C12orf42: variants seen among roughly 807,000 people sequenced by gnomAD.
The protein encoded by C12orf42 is uncharacterized protein C12orf42.
In C12orf42, 25 loss-of-function variants were observed where a neutral mutation model predicts 21.6. That is an observed-to-expected ratio of 1.16 (90% CI 0.84 to 1.62). The LOEUF is 1.62. C12orf42 is among the 40% of genes most tolerant of loss of function. The pLI is 0.00. For missense variants in C12orf42, 483 were observed against 459.3 expected (o/e 1.05, Z -0.47); for synonymous variants, 174 against 175.0 (o/e 0.99, Z 0.05).
rs570025254 is a variant in C12orf42, at chr12:103,412,243, G to A, written c.79-10568C>T. 1.0e-3 allele frequency among the ~76,000 whole-genome samples: 156 copies of A among 152,308 alleles called. 1 individual carries two copies. The highest frequency in any genetic ancestry group is 3.7e-3 in the African/African-American group (154 of 41,568). ...AAATGAGAAATATATTGAACACCAA[G>A]CCCATTTTTATTAAACTGCATTTCA... is the stretch of plus-strand genomic sequence containing the variant. On this transcript the variant is annotated intron_variant, in intron 2 of 5. Transcript: ENST00000548883.
chr12:103,280,327 C>A (rs1303645600), intron 4 of C12orf42, among the ~76,000 whole-genome samples: 1 of 152,024 alleles, frequency 6.6e-6, no homozygotes, highest in African/African-American at 2.4e-5. Context: ...TTTTTCAAAT[C>A]TTGAGTGGGG....
At chr12:103,318,503 A>C (rs1304918474) in intron 4 of C12orf42, among the ~76,000 whole-genome samples, 1 of 152,182 alleles carries the variant, frequency 6.6e-6, no homozygotes, top group Non-Finnish European at 1.5e-5. Context: ...CCTTGCCAAC[A>C]CTTGCTATTA....
At chr12:103,521,368 A>T in the C12orf42 span, among the ~76,000 whole-genome samples, 2 of 152,224 alleles carry the variant, frequency 1.3e-5, no homozygotes, top group Non-Finnish European at 2.9e-5. Context: ...AAGCGAGATC[A>T]TGTCCTTTGC....
intron 4 of C12orf42, among the ~76,000 whole-genome samples, chr12:103,296,036 G>A (rs553931696): frequency 3.4e-5 from 4 of 116,568 alleles, no homozygotes; most frequent in East Asian, 2.6e-4. Context: ...ACAACAGGCC[G>A]CAGTGTGTGA....
the C12orf42 span, chr12:103,156,356 G>A: frequency 6.6e-6 from 1 of 152,176 alleles, no homozygotes; most frequent in African/African-American, 2.4e-5. Flanking sequence ...GGGGCATAAA[G>A]GTGGGGGCAG....
At chr12:103,526,576 T>C in the C12orf42 span, among the ~76,000 whole-genome samples, 1 of 152,172 alleles carries the variant, frequency 6.6e-6, no homozygotes, top group Admixed American at 6.5e-5. Context: ...ATTTTCCCAA[T>C]ACTATGGACT....
the C12orf42 span, among the ~76,000 whole-genome samples, chr12:103,531,357 A>G: frequency 1.3e-5 from 2 of 152,196 alleles, no homozygotes; most frequent in Non-Finnish European, 2.9e-5. Context: ...AAAATTGTGC[A>G]TGTGGTAAGA....
At chr12:103,063,994 T>C in the C12orf42 span, among the ~76,000 whole-genome samples, 1 of 152,114 alleles carries the variant, frequency 6.6e-6, no homozygotes, top group African/African-American at 2.4e-5. Flanking sequence ...AGCTGAAATA[T>C]GAATAAAAAT....
At chr12:103,118,059 A>G in the C12orf42 span, among the ~76,000 whole-genome samples, 1 of 152,220 alleles carries the variant, frequency 6.6e-6, no homozygotes, top group East Asian at 1.9e-4. Flanking sequence ...AGGGGTATGA[A>G]TTTATAATCC....
chr12:103,453,471 A>G (rs899044399), intron 2 of C12orf42, among the ~76,000 whole-genome samples: 6 of 151,880 alleles, frequency 4.0e-5, no homozygotes, highest in African/African-American at 1.2e-4. Flanking sequence ...TCTATTTTTT[A>G]TCAACTTTGG....
At chr12:103,385,314 C>G (rs1280718087) in intron 3 of C12orf42, among the ~76,000 whole-genome samples, 1 of 152,112 alleles carries the variant, frequency 6.6e-6, no homozygotes, top group Non-Finnish European at 1.5e-5. Flanking sequence ...GTTTTATTGT[C>G]CCCTTGGTGA....
intron 10 of C12orf42, among the ~76,000 whole-genome samples, chr12:103,239,449 C>T (rs1045855756): frequency 1.3e-5 from 2 of 152,162 alleles, no homozygotes; most frequent in African/African-American, 2.4e-5. Flanking sequence ...CCACCTCTTC[C>T]AATCCATGTG....
chr12:103,486,322 C>G (rs533769893), intron 1 of C12orf42, among the ~76,000 whole-genome samples: 2 of 152,304 alleles, frequency 1.3e-5, no homozygotes, highest in South Asian at 2.1e-4. Flanking sequence ...AGTGATGAAG[C>G]TGACTTCATC....
chr12:103,448,506 C>G (rs142059355), intron 2 of C12orf42, among the ~76,000 whole-genome samples: 9 of 152,006 alleles, frequency 5.9e-5, no homozygotes, highest in African/African-American at 2.2e-4. Flanking sequence ...AGAGAAAACC[C>G]ACAGAGTGAG....
At chr12:103,303,660 C>T (rs1038080547) in intron 5 of C12orf42, among the ~76,000 whole-genome samples, 1 of 152,188 alleles carries the variant, frequency 6.6e-6, no homozygotes, top group African/African-American at 2.4e-5. Flanking sequence ...TTTAGTTCAT[C>T]GAACTCTGTT....
At chr12:103,184,200 T>C in the C12orf42 span, among the ~76,000 whole-genome samples, 1 of 152,334 alleles carries the variant, frequency 6.6e-6, no homozygotes, top group Admixed American at 6.5e-5. Context: ...TTCAGCTCTA[T>C]CAATTTTTGC....
At chr12:103,531,383 C>T in the C12orf42 span, among the ~76,000 whole-genome samples, 1 of 152,166 alleles carries the variant, frequency 6.6e-6, no homozygotes, top group Admixed American at 6.5e-5. Context: ...AGCACAATTT[C>T]TTGCTAGCCC....
At chr12:103,197,619 G>A in the C12orf42 span, among the ~76,000 whole-genome samples, 13 of 152,270 alleles carry the variant, frequency 8.5e-5, no homozygotes, top group Middle Eastern at 3.4e-3. Context: ...ATGGTCACTT[G>A]GAGGCAAGAA....
the C12orf42 span, among the ~76,000 whole-genome samples, chr12:103,063,160 T>A: frequency 1.3e-5 from 2 of 152,190 alleles, no homozygotes; most frequent in Non-Finnish European, 2.9e-5. Flanking sequence ...CTAAATTCAC[T>A]TGACAAAGTG....
Sources: allele counts gnomAD v4.1 joint callset (sites outside exome capture counted in the v4.1 genomes callset), GRCh38; gene constraint gnomAD v4.1.1; transcripts MANE v1.5; gene names NCBI Gene and HGNC (gene_info 2026-07-23, HGNC 2026-07-21).